The following NUAK1 variants were observed in gnomAD, a reference collection of about 807,000 sequenced individuals.
The protein encoded by NUAK1 is NUAK family SNF1-like kinase 1.
In NUAK1, 26 loss-of-function variants were observed where a neutral mutation model predicts 56.9. The observed-to-expected ratio is 0.46, with a 90% CI of 0.33 to 0.63. The LOEUF (loss-of-function observed/expected upper bound fraction) is 0.63, where lower values mean the gene tolerates loss of function less well. Ranked by LOEUF, NUAK1 falls within the 30% of genes least tolerant of loss-of-function variation. The probability of loss-of-function intolerance (pLI) is 0.02; values close to 1 mark genes in which losing one functional copy is unlikely to be tolerated. For missense variants in NUAK1, 727 were observed against 876.1 expected (o/e 0.83, Z 2.15); for synonymous variants, 337 against 336.0 (o/e 1.00, Z -0.03).
chr12:106,138,421 C>T lies in NUAK1; in HGVS notation c.233G>A (p.Gly78Asp), dbSNP rs773578237. Reference sequence around the variant, plus strand: ...CAGGATTGCCCCACTCACCACTCGGCCAGAAAACCTCTCGGTGGCCCGCTT... The same window carrying T: ...CAGGATTGCCCCACTCACCACTCGGTCAGAAAACCTCTCGGTGGCCCGCTT... The part of the protein sequence containing the change: ...KVKRATERFS[G>D]RVVAIKSIRK... Residue 78 changes from glycine to aspartate, a missense_variant, in exon 1 of 7, where the codon GGC becomes GAC. Transcript: ENST00000261402. The surrounding 1 kb of genome is among the most constrained non-coding windows in gnomAD (Gnocchi z 5.0). 6.2e-7 allele frequency: 1 copy of T among 1,608,636 alleles called. No homozygotes were observed. Among genetic ancestry groups the T allele is most frequent in the East Asian group, 2.2e-5 (1 of 44,788 alleles).
intron 1 of NUAK1, among the ~76,000 whole-genome samples, chr12:106,128,134 C>T (rs1215609): frequency 0.56 from 75,775 of 136,302 alleles, 20,282 homozygotes; most frequent in African/African-American, 0.59. Context: ...TTTTCTTTTT[C>T]TTTTTTTTTT....
intron 2 of NUAK1, 128 bp downstream of exon 2, chr12:106,106,277 A>G (rs1592857089): frequency 1.3e-6 from 1 of 798,158 alleles, no homozygotes; most frequent in Non-Finnish European, 1.9e-6. Flanking sequence ...ACACCCGACT[A>G]TTTTTGCATC....
chr12:106,082,336 A>G (rs1028628549), intron 4 of NUAK1, among the ~76,000 whole-genome samples: 2 of 152,200 alleles, frequency 1.3e-5, no homozygotes, highest in African/African-American at 2.4e-5. Flanking sequence ...CTAACTCCAA[A>G]GCCACTGCTT....
intron 1 of NUAK1, among the ~76,000 whole-genome samples, chr12:106,127,109 C>G (rs1471611060): frequency 1.3e-5 from 2 of 152,156 alleles, no homozygotes; most frequent in Non-Finnish European, 2.9e-5. Context: ...AGTTCTATTA[C>G]CAACCCATTT....
At chr12:106,131,470 T>C (rs981361766) in intron 1 of NUAK1, among the ~76,000 whole-genome samples, 1 of 152,222 alleles carries the variant, frequency 6.6e-6, no homozygotes, top group Non-Finnish European at 1.5e-5. Context: ...CTTCTTTCAC[T>C]GAACATAATG....
chr12:106,073,059 A>G (rs1396939200), intron 4 of NUAK1, among the ~76,000 whole-genome samples: 1 of 152,192 alleles, frequency 6.6e-6, no homozygotes, highest in Non-Finnish European at 1.5e-5. Flanking sequence ...GGCATCCATC[A>G]CAAGTTCTAC....
chr12:106,081,366 G>A (rs2032516495), intron 4 of NUAK1, among the ~76,000 whole-genome samples: 2 of 152,210 alleles, frequency 1.3e-5, no homozygotes, highest in South Asian at 4.1e-4. Flanking sequence ...AAAGAGGAAA[G>A]GAATTTAAAA....
chr12:106,129,145 G>C (rs1196350504), intron 1 of NUAK1, among the ~76,000 whole-genome samples: 1 of 152,208 alleles, frequency 6.6e-6, no homozygotes, highest in Non-Finnish European at 1.5e-5. Context: ...TCCAAGAGTG[G>C]GAAATGGGTT....
chr12:106,134,807 A>G (rs1362684251), intron 1 of NUAK1, among the ~76,000 whole-genome samples: 5 of 152,208 alleles, frequency 3.3e-5, no homozygotes, highest in African/African-American at 1.2e-4. Context: ...AACAAGGCCC[A>G]AATTCAAGAC....
intron 1 of NUAK1, 111 bp from the exon 2 acceptor site, chr12:106,106,636 T>C: frequency 9.1e-7 from 1 of 1,101,342 alleles, no homozygotes; most frequent in Non-Finnish European, 1.3e-6. Context: ...GAACTGACAA[T>C]AACCAAAACA....
rs183268187 is a variant in NUAK1 at position 106,135,683 on chromosome 12, T to C, written c.240+2731A>G. On this transcript the variant is annotated intron_variant, in intron 1 of 6. Coordinates refer to ENST00000261402, the MANE Select transcript of NUAK1 (RefSeq NM_014840.3). The stretch of plus-strand genomic sequence containing the variant: ...ATGCTGTAAAAGGCACTGGTGCAAA[T>C]GAAAATAAAACATCACTTCAAAATT... Among the ~76,000 whole-genome samples the C allele has an allele frequency of 1.3e-4, 20 of 152,256 alleles. No homozygotes were observed. The East Asian group carries it at 3.9e-3, about 29-fold the overall frequency.
chr12:106,080,219 C>T (rs994576610), intron 4 of NUAK1, among the ~76,000 whole-genome samples: 10 of 152,198 alleles, frequency 6.6e-5, no homozygotes, highest in Non-Finnish European at 8.8e-5. Flanking sequence ...CCACAGCAGC[C>T]GCGCTTCCAT....
intron 2 of NUAK1, among the ~76,000 whole-genome samples, chr12:106,090,685 AAT>A (rs2136464647): frequency 6.6e-6 from 1 of 152,312 alleles, no homozygotes; most frequent in East Asian, 1.9e-4. Context: ...TCATCAGTCC[AAT>A]GAGACTAGTA....
chr12:106,132,733 G>C (rs2033091727), intron 1 of NUAK1, among the ~76,000 whole-genome samples: 2 of 152,140 alleles, frequency 1.3e-5, no homozygotes, highest in African/African-American at 4.8e-5. Flanking sequence ...CCAGAAGCAG[G>C]CACATCTCTT....
chr12:106,079,146 C>T (rs181737724), intron 4 of NUAK1, among the ~76,000 whole-genome samples: 1 of 152,294 alleles, frequency 6.6e-6, no homozygotes, highest in East Asian at 1.9e-4. Flanking sequence ...TGTAATCACA[C>T]CCACCCCGGT....
At chr12:106,074,367 C>T (rs1402150064) in intron 4 of NUAK1, among the ~76,000 whole-genome samples, 1 of 152,130 alleles carries the variant, frequency 6.6e-6, no homozygotes, top group Non-Finnish European at 1.5e-5. Context: ...AATGTGAATG[C>T]CTTTCATGCC....
intron 1 of NUAK1, among the ~76,000 whole-genome samples, chr12:106,135,777 C>T (rs2033123957): frequency 6.6e-6 from 1 of 152,192 alleles, no homozygotes. Context: ...ACCTTCAAAG[C>T]ATGTTGTGAA....
intron 4 of NUAK1, among the ~76,000 whole-genome samples, chr12:106,075,036 C>T (rs541451552): frequency 2.6e-5 from 4 of 152,280 alleles, no homozygotes; most frequent in African/African-American, 4.8e-5. Flanking sequence ...TCCAAATACA[C>T]GTGCGTGTGA....
chr12:106,120,696 T>C (rs1463765263), intron 1 of NUAK1, among the ~76,000 whole-genome samples: 2 of 152,130 alleles, frequency 1.3e-5, no homozygotes, highest in African/African-American at 4.8e-5. Context: ...TCACTACAAC[T>C]GGGGCCTAAA....
Sources: allele counts gnomAD v4.1 joint callset (sites outside exome capture counted in the v4.1 genomes callset), GRCh38; gene constraint gnomAD v4.1.1; non-coding constraint Gnocchi (gnomAD v3.1); transcripts MANE v1.5; gene names NCBI Gene and HGNC (gene_info 2026-07-23, HGNC 2026-07-21).